CPNE4: variants seen among roughly 807,000 people sequenced by gnomAD.
The protein encoded by CPNE4 is copine-4.
A neutral mutation model predicts 67.9 loss-of-function variants in CPNE4; 25 were observed. That is an observed-to-expected ratio of 0.37 (90% CI 0.27 to 0.51). CPNE4 has a LOEUF of 0.51. Ranked by LOEUF, CPNE4 falls within the 20% of genes least tolerant of loss-of-function variation. CPNE4 has a pLI of 0.93. For synonymous variants in CPNE4, 242 were observed against 244.9 expected (o/e 0.99, Z 0.11); for missense variants, 464 against 690.8 (o/e 0.67, Z 3.68).
intron 7 of CPNE4, among the ~76,000 whole-genome samples, chr3:131,652,302 C>T (rs1015981746): frequency 6.6e-6 from 1 of 152,152 alleles, no homozygotes; most frequent in Non-Finnish European, 1.5e-5. Flanking sequence ...TTCCTATTGC[C>T]AGGTTACTTT....
chr3:131,828,025 T>G (rs2085231089), intron 2 of CPNE4, among the ~76,000 whole-genome samples: 1 of 151,974 alleles, frequency 6.6e-6, no homozygotes, highest in Non-Finnish European at 1.5e-5. Flanking sequence ...GAAGAAACAA[T>G]TTAAAATACC....
chr3:131,636,528 C>T (rs2079390737), intron 7 of CPNE4, among the ~76,000 whole-genome samples: 1 of 152,170 alleles, frequency 6.6e-6, no homozygotes, highest in Non-Finnish European at 1.5e-5. Context: ...ACTACTATCC[C>T]TGCCCCCACC....
chr3:132,004,569 A>G (rs2073537701), intron 1 of CPNE4, among the ~76,000 whole-genome samples: 1 of 152,154 alleles, frequency 6.6e-6, no homozygotes, highest in Admixed American at 6.5e-5. Flanking sequence ...AGGTTTTCAC[A>G]CTGACATTAA....
At chr3:131,934,565 C>T (rs970301497) in intron 1 of CPNE4, among the ~76,000 whole-genome samples, 11 of 151,866 alleles carry the variant, frequency 7.2e-5, no homozygotes, top group African/African-American at 2.4e-4. Context: ...ACTCCTGTAG[C>T]CCCCCACCCC....
chr3:131,615,891 T>TCA (rs746630965), intron 7 of CPNE4, among the ~76,000 whole-genome samples: 13,924 of 107,554 alleles, frequency 0.13, 665 homozygotes, highest in East Asian at 0.25. Context: ...TCTCTCTCTC[T>TCA]CACACACACA....
intron 2 of CPNE4, among the ~76,000 whole-genome samples, chr3:131,813,045 A>T (rs1046662843): frequency 6.6e-6 from 1 of 152,206 alleles, no homozygotes; most frequent in African/African-American, 2.4e-5. Context: ...ACCACTAAAG[A>T]ATAGTTAAGA....
intron 7 of CPNE4, among the ~76,000 whole-genome samples, chr3:131,657,692 G>A (rs988738472): frequency 3.6e-5 from 5 of 139,800 alleles, no homozygotes; most frequent in Non-Finnish European, 6.1e-5. Context: ...GTGCCACCAC[G>A]TCCAGCTAAT....
chr3:131,623,797 G>C (rs1288290804), intron 7 of CPNE4, among the ~76,000 whole-genome samples: 1 of 152,204 alleles, frequency 6.6e-6, no homozygotes, highest in Non-Finnish European at 1.5e-5. Context: ...AGTTTAAGAA[G>C]CACTGATTTA....
chr3:131,805,515 T>C (rs1157664039), intron 2 of CPNE4, among the ~76,000 whole-genome samples: 9 of 152,196 alleles, frequency 5.9e-5, no homozygotes, highest in African/African-American at 2.2e-4. Flanking sequence ...AGTCTGGGTA[T>C]TGGGTAGGCT....
At chr3:131,801,151 G>A (rs930809884) in intron 2 of CPNE4, among the ~76,000 whole-genome samples, 4 of 151,588 alleles carry the variant, frequency 2.6e-5, no homozygotes, top group Non-Finnish European at 5.9e-5. Context: ...TTTTTTCAAA[G>A]GGCCTTGGAG....
chr3:131,850,929 A>T (rs538004956), intron 2 of CPNE4, among the ~76,000 whole-genome samples: 1 of 152,206 alleles, frequency 6.6e-6, no homozygotes, highest in South Asian at 2.1e-4. Flanking sequence ...AATACCCATT[A>T]AAATTAAATA....
At chr3:131,897,096 C>T (rs2088368450) in intron 2 of CPNE4, among the ~76,000 whole-genome samples, 1 of 151,952 alleles carries the variant, frequency 6.6e-6, no homozygotes, top group African/African-American at 2.4e-5. Context: ...AATTTGGATG[C>T]CTAGAACCAA....
intron 2 of CPNE4, among the ~76,000 whole-genome samples, chr3:131,902,843 CAA>C (rs1285079028): frequency 2.0e-5 from 3 of 151,800 alleles, no homozygotes; most frequent in Non-Finnish European, 2.9e-5. Flanking sequence ...ATGAGACTAA[CAA>C]AGTCAATGAG....
intron 1 of CPNE4, among the ~76,000 whole-genome samples, chr3:131,936,278 A>G (rs1232973652): frequency 1.3e-5 from 2 of 152,038 alleles, no homozygotes; most frequent in Non-Finnish European, 2.9e-5. Flanking sequence ...AAATAGACTT[A>G]TAAAGGAACT....
chr3:132,027,385 C>T (rs1168888413), intron 1 of CPNE4, among the ~76,000 whole-genome samples: 2 of 152,184 alleles, frequency 1.3e-5, no homozygotes, highest in Non-Finnish European at 2.9e-5. Context: ...CAAGTTCTCA[C>T]ATTCTCTTAT....
chr3:131,764,487 A>G (rs974414019), intron 2 of CPNE4, among the ~76,000 whole-genome samples: 4 of 152,154 alleles, frequency 2.6e-5, no homozygotes, highest in Admixed American at 2.0e-4. Flanking sequence ...TCTGAATATG[A>G]AAAATAATAT....
chr3:131,792,697 A>ACGTGTG (rs1474463447), intron 2 of CPNE4, among the ~76,000 whole-genome samples: 1 of 77,264 alleles, frequency 1.3e-5, no homozygotes, highest in African/African-American at 6.2e-5. Context: ...GTATATATAC[A>ACGTGTG]TATACACACA....
intron 2 of CPNE4, among the ~76,000 whole-genome samples, chr3:131,839,588 T>C (rs2085694946): frequency 1.3e-5 from 2 of 152,042 alleles, no homozygotes; most frequent in Admixed American, 6.6e-5. Flanking sequence ...TATGCACATA[T>C]ATTCATTTAT....
At chr3:131,696,358 C>T (rs1367153911) in intron 5 of CPNE4, among the ~76,000 whole-genome samples, 184 bp downstream of exon 5, 1 of 152,156 alleles carries the variant, frequency 6.6e-6, no homozygotes, top group Non-Finnish European at 1.5e-5. Context: ...TAATTACAGT[C>T]CCTTCCCTTT....
Sources: allele counts gnomAD v4.1 joint callset (sites outside exome capture counted in the v4.1 genomes callset), GRCh38; gene constraint gnomAD v4.1.1; transcripts MANE v1.5; gene names NCBI Gene and HGNC (gene_info 2026-07-23, HGNC 2026-07-21).